Variants in BLM observed in about 807,000 individuals in gnomAD.
BLM encodes the protein recQ-like DNA helicase BLM.
Under a neutral mutation model 135.3 loss-of-function variants are expected in BLM, and 95 were observed. That is an observed-to-expected ratio of 0.70 (90% CI 0.59 to 0.83). The LOEUF (loss-of-function observed/expected upper bound fraction) is 0.83. Among genes scored for constraint, BLM ranks in the 40% least tolerant of loss-of-function variants. The pLI, the probability that BLM is intolerant of heterozygous loss-of-function variation, is 0.00. For synonymous variants in BLM, 520 were observed against 589.2 expected, an observed-to-expected ratio of 0.88 and a Z score of 1.70; for missense variants, 1,518 against 1,663.9, an observed-to-expected ratio of 0.91 and a Z score of 1.53.
At chr15:90,788,240 A>T (rs529195357) in intron 14 of BLM, among the ~76,000 whole-genome samples, 1 of 152,224 alleles carries the variant, frequency 6.6e-6, no homozygotes, top group African/African-American at 2.4e-5. Flanking sequence ...AAATAAATAC[A>T]TAACAAATAT....
chr15:90,726,012 A>G lies in BLM; in HGVS notation c.-5+8572A>G, dbSNP rs1894904938. ...ACTTTTTTTATTTTTACATTTCTTT[A>G]AAGTGACATAATTGTACCCCAACAA... On this transcript the variant is annotated intron_variant, in intron 1 of 21. Coordinates refer to ENST00000355112, the MANE Select transcript of BLM (RefSeq NM_000057.4). 2.0e-5 allele frequency among the ~76,000 whole-genome samples: 3 copies of G among 152,104 alleles called. No homozygotes were observed. In the South Asian group the frequency reaches 6.2e-4, roughly 32 times the overall value.
At position 90,804,266 on chromosome 15, in the gene BLM, G is replaced by A. The variant is rs1567063212; in HGVS notation, c.3658G>A (p.Gly1220Arg). The A allele has an allele frequency of 6.2e-7, 1 of 1,614,064 alleles. No individual in the cohort carries two copies. Among genetic ancestry groups the A allele is most frequent in the Admixed American group, 1.7e-5 (1 of 60,012 alleles). The change falls in exon 19 of 22, where the codon GGA becomes AGA. Residue 1220 changes from glycine (G) to arginine (R), a missense_variant. By Grantham distance (125) the Gly-to-Arg change is moderately radical. This residue lies in a region of BLM where 626 missense variants were observed against 681.1 expected (regional missense o/e 0.92). Coordinates refer to ENST00000355112, the MANE Select transcript of BLM (RefSeq NM_000057.4). ...GGAAGAGATGGTTAAAAAATGTCTTGGAGAACTTACAGAAGTCTGCAAATC... is the reference window on the plus strand; with the variant it reads ...GGAAGAGATGGTTAAAAAATGTCTTAGAGAACTTACAGAAGTCTGCAAATC... ...QREEMVKKCL[G>R]ELTEVCKSLG...
At chr15:90,774,354 G>A (rs1448371370) in intron 12 of BLM, among the ~76,000 whole-genome samples, 1 of 151,810 alleles carries the variant, frequency 6.6e-6, no homozygotes, top group African/African-American at 2.4e-5. Flanking sequence ...TTATAGGTGT[G>A]AGCCACTGCA....
In BLM at chr15:90,765,540, T is replaced by A. The variant is rs28385030; in HGVS notation, c.2193+126T>A. Reference sequence around the variant, plus strand: ...AAAGCACAGCAGTTAAATTTGCAGTTGAACAGAAGTCTGAAAATTTGATAC... The same window carrying A: ...AAAGCACAGCAGTTAAATTTGCAGTAGAACAGAAGTCTGAAAATTTGATAC... On this transcript the variant is annotated intron_variant, in intron 9 of 21. Coordinates refer to ENST00000355112, the MANE Select transcript of BLM (RefSeq NM_000057.4). 2,428 of 759,254 alleles carry A rather than the reference T, an allele frequency of 3.2e-3. 27 individuals are homozygous for A. In the African/African-American group the frequency reaches 0.036, roughly 11 times the overall value. 47.0% of individuals were successfully genotyped at this position (759,254 alleles called of 1,614,324 possible).
In BLM at chr15:90,791,157, A is replaced by G. The variant is rs1469356866; in HGVS notation, c.3019+313A>G. Among the ~76,000 whole-genome samples, 3 of 152,158 alleles carry G rather than the reference A, an allele frequency of 2.0e-5. No homozygotes were observed. The East Asian group carries it at 5.8e-4, about 29-fold the overall frequency. Reference sequence around the variant, plus strand: ...CCTTTCAGACCCTATTTCTGCATGCATTCTTGCATGTAACACATATTTCAA... The same window carrying G: ...CCTTTCAGACCCTATTTCTGCATGCGTTCTTGCATGTAACACATATTTCAA... On this transcript the variant is annotated intron_variant, in intron 15 of 21. Transcript: ENST00000355112.
At chr15:90,726,228 A>G (rs1435041296) in intron 1 of BLM, among the ~76,000 whole-genome samples, 1 of 152,170 alleles carries the variant, frequency 6.6e-6, no homozygotes, top group East Asian at 1.9e-4. Context: ...GCTACAGAAC[A>G]CCAGAACTTA....
intron 4 of BLM, among the ~76,000 whole-genome samples, chr15:90,753,030 C>A (rs759142295): frequency 6.6e-6 from 1 of 152,082 alleles, no homozygotes; most frequent in Non-Finnish European, 1.5e-5. Context: ...ATGTGTGTTA[C>A]GCAAATAATA....
intron 21 of BLM, among the ~76,000 whole-genome samples, chr15:90,814,778 C>A (rs915315034): frequency 6.6e-6 from 1 of 152,216 alleles, no homozygotes; most frequent in Non-Finnish European, 1.5e-5. Context: ...TGGACCTCAG[C>A]TCCTCTTGCA....
chr15:90,791,662 C>G (rs376004403), intron 15 of BLM, among the ~76,000 whole-genome samples: 8 of 151,186 alleles, frequency 5.3e-5, no homozygotes. Context: ...TTTTCAAGAC[C>G]GAGTCTCACT....
Position 90,749,963 on chromosome 15 carries a change from G to A in BLM, c.695G>A (p.Ser232Asn), listed in dbSNP as rs1208103589. The change falls in exon 3 of 22, where the codon AGC becomes AAC. Residue 232 changes from serine to asparagine, a missense_variant. By Grantham distance (46) the Ser-to-Asn change is conservative. Around this residue, in one of 5 missense-constraint regions of BLM, gnomAD observed 724 missense variants for 756.9 expected, o/e 0.96. Transcript: ENST00000355112. ...CAGAAGGATGACTCAGAATGGTTAAGCAGCGATGTGATTTGCATCGATGAT... is the reference window on the plus strand; with the variant it reads ...CAGAAGGATGACTCAGAATGGTTAAACAGCGATGTGATTTGCATCGATGAT... ...EEQKDDSEWL[S>N]SDVICIDDGP... 6.2e-7 allele frequency: 1 copy of A among 1,614,236 alleles called. No homozygotes were observed. Among genetic ancestry groups the A allele is most frequent in the Non-Finnish European group, 8.5e-7 (1 of 1,180,042 alleles).
At chr15:90,780,386 A>G (rs186336403) in intron 12 of BLM, among the ~76,000 whole-genome samples, 149 of 152,064 alleles carry the variant, frequency 9.8e-4, no homozygotes, top group African/African-American at 3.3e-3. Context: ...CCCGTCCAGG[A>G]TGTCTTTTTT....
At chr15:90,798,123 T>C (rs919811481) in intron 16 of BLM, 67 bp from the exon 17 acceptor site, 11 of 1,394,404 alleles carry the variant, frequency 7.9e-6, no homozygotes, top group Non-Finnish European at 1.1e-5. Context: ...ATAGTTAATA[T>C]TAAACCCTAG....
intron 12 of BLM, among the ~76,000 whole-genome samples, chr15:90,771,065 T>C (rs1004383422): frequency 8.5e-5 from 13 of 152,208 alleles, no homozygotes; most frequent in African/African-American, 3.1e-4. Context: ...CAGAATTTTG[T>C]GTGTGTGATC....
chr15:90,813,040 A>G (rs1267385862), intron 21 of BLM, among the ~76,000 whole-genome samples: 4 of 152,150 alleles, frequency 2.6e-5, no homozygotes, highest in African/African-American at 9.6e-5. Flanking sequence ...TTGAAGAGGA[A>G]GCTTAGGCCT....
intron 12 of BLM, among the ~76,000 whole-genome samples, chr15:90,780,170 C>A (rs181682773): frequency 3.0e-4 from 46 of 151,660 alleles, no homozygotes; most frequent in African/African-American, 1.1e-3. Flanking sequence ...CTGCAACCTC[C>A]GCCTCTCAGG....
intron 1 of BLM, among the ~76,000 whole-genome samples, chr15:90,719,358 T>G (rs1894705891): frequency 6.6e-6 from 1 of 152,112 alleles, no homozygotes. Context: ...TCCCAGCACT[T>G]TGGGAGGATG....
At chr15:90,717,948 C>T (rs1441962580) in intron 1 of BLM, among the ~76,000 whole-genome samples, 4 of 152,186 alleles carry the variant, frequency 2.6e-5, no homozygotes, top group African/African-American at 9.7e-5. Context: ...CCCAGCAAAG[C>T]GAAGTGCTTA....
chr15:90,815,276 A>T lies in BLM; in HGVS notation c.4251A>T (p.Ser1417=). 6.2e-7 allele frequency: 1 copy of T among 1,613,788 alleles called. No individual in the cohort carries two copies. The highest frequency in any genetic ancestry group is 8.5e-7 in the Non-Finnish European group (1 of 1,179,708). The change falls in exon 22 of 22, where the codon TCA becomes TCT. Residue 1417 remains serine (S), a synonymous_variant. Transcript: ENST00000355112. The surrounding 1 kb of genome is among the most constrained non-coding windows in gnomAD (Gnocchi z 4.6). ...RPFLKPSYAF[S] ...TTCTTAAGCCTTCATATGCATTCTC[A>T]TAACAACCGAATCTCAATGTACATA...
intron 19 of BLM, chr15:90,808,739 G>A: frequency 3.1e-6 from 1 of 323,338 alleles, no homozygotes; most frequent in Non-Finnish European, 6.0e-6. Context: ...GCAGAGAAGA[G>A]GCTGGAGCTG....
Sources: gnomAD v4.1 joint callset for allele counts (sites outside exome capture counted in the v4.1 genomes callset) on GRCh38, gnomAD v4.1.1 for gene constraint, gnomAD v4.1.1 regional missense constraint, Gnocchi (gnomAD v3.1) non-coding constraint, MANE v1.5 for transcripts, NCBI Gene and HGNC (gene_info 2026-07-23, HGNC 2026-07-21) for gene names.